Variants in MBNL3 observed in about 807,000 individuals in gnomAD.
The protein encoded by MBNL3 is muscleblind like splicing regulator 3.
In MBNL3, 6 loss-of-function variants were observed where a neutral mutation model predicts 24.5. That is an observed-to-expected ratio of 0.25 (90% CI 0.13 to 0.48). The LOEUF is 0.48. Among genes scored for constraint, MBNL3 ranks in the 20% least tolerant of loss-of-function variants. The probability of loss-of-function intolerance (pLI) is 0.99; values close to 1 mark genes in which losing one functional copy is unlikely to be tolerated. For synonymous variants in MBNL3, 100 were observed against 101.7 expected (o/e 0.98, Z 0.10); for missense variants, 230 against 293.5 (o/e 0.78, Z 1.58).
At chrX:132,451,201 T>A (rs1302523539) in intron 1 of MBNL3, among the ~76,000 whole-genome samples, 1 of 112,753 alleles carries the variant, frequency 8.9e-6, no homozygotes, top group Non-Finnish European at 1.9e-5. Flanking sequence ...AGCACTGTGC[T>A]GGGAGATCTG....
intron 3 of MBNL3, among the ~76,000 whole-genome samples, chrX:132,399,926 G>T (rs770542310): frequency 9.0e-6 from 1 of 111,011 alleles, no homozygotes; most frequent in South Asian, 3.8e-4. Flanking sequence ...GAACAGTGAA[G>T]CTCACAGGCC....
intron 8 of MBNL3, among the ~76,000 whole-genome samples, chrX:132,380,658 T>C (rs762589501): frequency 9.0e-6 from 1 of 111,087 alleles, no homozygotes; most frequent in East Asian, 2.8e-4. Flanking sequence ...CTTCAAACTT[T>C]CGATGATGAA....
In MBNL3 at chrX:132,439,674, A is replaced by G; in HGVS notation, c.-63T>C. The stretch of plus-strand genomic sequence containing the variant: ...GGACAATATTACTGTGGACTATTAA[A>G]GGATTAAAAATGAATTCAAACTAAG... On this transcript the variant is annotated 5_prime_UTR_variant, in exon 2 of 9. Transcript: ENST00000370853. 3 of 1,082,977 alleles carry G rather than the reference A, an allele frequency of 2.8e-6. No homozygotes were observed. Among genetic ancestry groups the G allele is most frequent in the South Asian group, 3.0e-5 (1 of 33,285 alleles). 89.2% of individuals were successfully genotyped at this position (1,082,977 alleles called of 1,213,427 possible). A position where few individuals can be genotyped will look rare whatever the true frequency, so the allele number is the denominator to read the frequency against.
At chrX:132,441,555 T>C (rs1443191267) in intron 1 of MBNL3, among the ~76,000 whole-genome samples, 1 of 112,262 alleles carries the variant, frequency 8.9e-6, no homozygotes, top group Admixed American at 9.4e-5. Flanking sequence ...AGGAAAAGTA[T>C]TTTAAAAATA....
intron 2 of MBNL3, among the ~76,000 whole-genome samples, chrX:132,427,400 A>G (rs1944394709): frequency 9.0e-6 from 1 of 111,652 alleles, no homozygotes; most frequent in Non-Finnish European, 1.9e-5. Flanking sequence ...TAACCAGGAA[A>G]TTGCAGAAAC....
chrX:132,439,346 T>C, intron 2 of MBNL3, 89 bp downstream of exon 2: 1 of 975,214 alleles, frequency 1.0e-6, no homozygotes. Context: ...TTCATGCTAT[T>C]ATTAATTTTA....
At chrX:132,423,625 G>A (rs1188396479) in intron 2 of MBNL3, among the ~76,000 whole-genome samples, 2 of 111,830 alleles carry the variant, frequency 1.8e-5, no homozygotes, top group African/African-American at 6.5e-5. Context: ...ACCCTGCAGC[G>A]AGGAAGTAAG....
At chrX:132,420,782 C>T (rs1372864324) in intron 2 of MBNL3, among the ~76,000 whole-genome samples, 1 of 111,178 alleles carries the variant, frequency 9.0e-6, no homozygotes, top group Non-Finnish European at 1.9e-5. Flanking sequence ...GCCTGGACAA[C>T]AGAGTGAGAC....
intron 3 of MBNL3, among the ~76,000 whole-genome samples, chrX:132,399,229 T>A (rs1199183504): frequency 2.7e-5 from 3 of 111,934 alleles, no homozygotes; most frequent in African/African-American, 9.7e-5. Context: ...AGTCTTGTTC[T>A]CCACTGAGGA....
At chrX:132,462,701 T>A (rs528549883) in intron 1 of MBNL3, among the ~76,000 whole-genome samples, 5 of 111,501 alleles carry the variant, frequency 4.5e-5, no homozygotes, top group African/African-American at 1.6e-4. Flanking sequence ...CATGCATGTG[T>A]GTGTGTGTGT....
At position 132,406,395 on chromosome X, in the gene MBNL3, G is replaced by A; in HGVS notation, c.178-3C>T. The A allele has an allele frequency of 8.5e-7, 1 of 1,178,207 alleles. No homozygotes were observed. The highest frequency in any genetic ancestry group is 1.1e-6 in the Non-Finnish European group (1 of 878,508). On this transcript the variant is annotated splice_polypyrimidine_tract_variant and splice_region_variant and intron_variant, in intron 2 of 8. Transcript: ENST00000370853. Reference sequence around the variant, plus strand: ...CAGTTCTCTCGGGTACACCGACCCTGACAATGAAGAATAGGGAAAATATTA... The same window carrying A: ...CAGTTCTCTCGGGTACACCGACCCTAACAATGAAGAATAGGGAAAATATTA...
chrX:132,422,705 C>A (rs1414036654), intron 2 of MBNL3, among the ~76,000 whole-genome samples: 2 of 111,819 alleles, frequency 1.8e-5, no homozygotes, highest in African/African-American at 6.5e-5. Flanking sequence ...AACACAGAAT[C>A]CTGAGAATTA....
intron 7 of MBNL3, among the ~76,000 whole-genome samples, chrX:132,383,719 G>A (rs1286012488): frequency 8.9e-6 from 1 of 111,920 alleles, no homozygotes; most frequent in Non-Finnish European, 1.9e-5. Flanking sequence ...CTGCTACTAT[G>A]TGGTTGTCAT....
At chrX:132,409,446 A>G (rs1190153088) in intron 2 of MBNL3, among the ~76,000 whole-genome samples, 2 of 111,485 alleles carry the variant, frequency 1.8e-5, no homozygotes, top group Non-Finnish European at 3.8e-5. Flanking sequence ...TAGGCCACCT[A>G]AGCACTCTGA....
chrX:132,388,785 A>G (rs1283519992), intron 5 of MBNL3, among the ~76,000 whole-genome samples: 2 of 110,377 alleles, frequency 1.8e-5, no homozygotes, highest in African/African-American at 6.6e-5. Context: ...ACTCAACCTG[A>G]GCTATATACA....
intron 1 of MBNL3, among the ~76,000 whole-genome samples, chrX:132,453,006 A>G (rs1946187699): frequency 1.8e-5 from 2 of 112,029 alleles, no homozygotes; most frequent in African/African-American, 6.5e-5. Flanking sequence ...ATCTAGATGA[A>G]GGCAAGAGAG....
At chrX:132,455,931 A>T (rs747844740) in intron 1 of MBNL3, among the ~76,000 whole-genome samples, 1 of 112,136 alleles carries the variant, frequency 8.9e-6, no homozygotes, top group South Asian at 3.8e-4. Flanking sequence ...TCAGAGAACA[A>T]CATCTTCTTT....
rs1934018905 is a variant in MBNL3, at chrX:132,375,165, T to A, written c.*4501A>T. 1 of 111,892 alleles carries A rather than the reference T, an allele frequency of 8.9e-6. No homozygotes were observed. The highest frequency in any genetic ancestry group is 1.9e-5 in the Non-Finnish European group (1 of 53,001). 9.2% of individuals were successfully genotyped at this position (111,892 alleles called of 1,213,427 possible). ...CTGTATTTTCTACAGGCTCATACTGTCACAAATCACCTATAGTTTACAAGT... is the reference window on the plus strand; with the variant it reads ...CTGTATTTTCTACAGGCTCATACTGACACAAATCACCTATAGTTTACAAGT... On this transcript the variant is annotated 3_prime_UTR_variant, in exon 9 of 9. Coordinates refer to ENST00000370853, the MANE Select transcript of MBNL3 (RefSeq NM_001386889.1).
At chrX:132,455,129 G>T (rs1399130424) in intron 1 of MBNL3, among the ~76,000 whole-genome samples, 1 of 111,369 alleles carries the variant, frequency 9.0e-6, no homozygotes, top group East Asian at 2.8e-4. Flanking sequence ...TCATCTTCTT[G>T]GCCCAGATAG....
Sources: allele counts gnomAD v4.1 joint callset (sites outside exome capture counted in the v4.1 genomes callset), GRCh38; gene constraint gnomAD v4.1.1; transcripts MANE v1.5; gene names NCBI Gene and HGNC (gene_info 2026-07-23, HGNC 2026-07-21).